OSBP: variants seen among roughly 807,000 people sequenced by gnomAD.
OSBP encodes oxysterol binding protein, also known as oxysterol-binding protein 1.
Under a neutral mutation model 96.6 loss-of-function variants are expected in OSBP, and 32 were observed. That is an observed-to-expected ratio of 0.33 (90% confidence interval 0.25 to 0.45). The LOEUF is 0.45. OSBP is among the 20% of genes least tolerant of loss of function. The probability of loss-of-function intolerance (pLI) is 1.00; values close to 1 mark genes in which losing one functional copy is unlikely to be tolerated. For missense variants in OSBP, 653 were observed against 1,029.7 expected, an observed-to-expected ratio of 0.63 and a Z score of 5.01; for synonymous variants, 369 against 389.6, an observed-to-expected ratio of 0.95 and a Z score of 0.62.
Position 59,577,007 on chromosome 11 carries a change from C to T in OSBP, c.2079G>A (p.Met693Ile). The stretch of plus-strand genomic sequence containing the variant: ...TCAGAGCAAGCTCTGAGAAGTAGTA[C>T]ATGTTTTCTGCATTCTTCCTAAAAG... The part of the protein sequence containing the change: ...RNPLPKNAEN[M>I]YYFSELALTL... The change falls in exon 13 of 14, where the codon ATG becomes ATA. Residue 693 changes from methionine (M) to isoleucine (I), a missense_variant. Met to Ile is a conservative substitution (Grantham distance 10). Around this residue, in one of 6 missense-constraint regions of OSBP, gnomAD observed 169 missense variants for 251.5 expected, o/e 0.67. Coordinates refer to ENST00000263847, the MANE Select transcript of OSBP (RefSeq NM_002556.3). 6.2e-7 allele frequency: 1 copy of T among 1,612,968 alleles called. No homozygotes were observed. Among genetic ancestry groups the T allele is most frequent in the Non-Finnish European group, 8.5e-7 (1 of 1,179,664 alleles).
chr11:59,592,420 T>C (rs895302054), intron 9 of OSBP, among the ~76,000 whole-genome samples: 24 of 152,228 alleles, frequency 1.6e-4, no homozygotes, highest in African/African-American at 5.8e-4. Context: ...GTGAATTCAT[T>C]AAAGAAGCAG....
chr11:59,607,326 C>T lies in OSBP; in HGVS notation c.822+1158G>A, dbSNP rs563670212. Among the ~76,000 whole-genome samples, 146 of 152,344 alleles carry T rather than the reference C, an allele frequency of 9.6e-4. 1 individual carries two copies. Among genetic ancestry groups the T allele is most frequent in the Non-Finnish European group, 1.7e-3 (118 of 68,032 alleles). On this transcript the variant is annotated intron_variant, in intron 3 of 13. Coordinates refer to ENST00000263847, the MANE Select transcript of OSBP (RefSeq NM_002556.3). ...GACATCAGAAACACAAGCACCCTGA[C>T]TGGCTGACTGGTCAGTCCTAGGAGA...
intron 9 of OSBP, among the ~76,000 whole-genome samples, chr11:59,582,745 C>T (rs1015463951): frequency 6.6e-6 from 1 of 152,058 alleles, no homozygotes; most frequent in East Asian, 1.9e-4. Flanking sequence ...AGGGAGTCTG[C>T]GGGAACTCTG....
chr11:59,603,671 G>C (rs538803781), intron 3 of OSBP, among the ~76,000 whole-genome samples: 250 of 151,852 alleles, frequency 1.6e-3, no homozygotes, highest in Admixed American at 5.0e-3. Context: ...CAAGTAGCTG[G>C]GACTACAGGC....
At chr11:59,578,061 A>T in intron 12 of OSBP, 88 bp downstream of exon 12, 1 of 1,212,770 alleles carries the variant, frequency 8.2e-7, no homozygotes, top group Non-Finnish European at 1.2e-6. Flanking sequence ...CCACATAATT[A>T]AGTGAGAGGG....
chr11:59,614,300 AG>A (rs1045316620), intron 1 of OSBP, among the ~76,000 whole-genome samples: 3 of 152,202 alleles, frequency 2.0e-5, no homozygotes, highest in Non-Finnish European at 2.9e-5. Flanking sequence ...CTCATCAGTA[AG>A]ATGGGAATAT....
chr11:59,578,075 G>T, intron 12 of OSBP, 74 bp downstream of exon 12: 3 of 1,382,514 alleles, frequency 2.2e-6, no homozygotes, highest in Non-Finnish European at 3.1e-6. Context: ...GAGAGGGCAG[G>T]CAGAAATGCC....
Position 59,576,913 on chromosome 11 carries a change from C to G in OSBP, c.2173G>C (p.Glu725Gln). The G allele has an allele frequency of 6.2e-7, 1 of 1,614,226 alleles. No homozygotes were observed. The highest frequency in any genetic ancestry group is 8.5e-7 in the Non-Finnish European group (1 of 1,180,050). Reference sequence around the variant, plus strand: ...TTTGCTTCATCCCAGCGTCCATTTTCCATCAGTCTCTGGTCAGGTCGTAAC... The same window carrying G: ...TTTGCTTCATCCCAGCGTCCATTTTGCATCAGTCTCTGGTCAGGTCGTAAC... ...SRLRPDQRLM[E>Q]NGRWDEANAE... Residue 725 changes from glutamate to glutamine, a missense_variant, in exon 13 of 14, where the codon GAA becomes CAA. By Grantham distance (29) the Glu-to-Gln change is conservative. Coordinates refer to ENST00000263847, the MANE Select transcript of OSBP (RefSeq NM_002556.3).
At chr11:59,598,266 C>T (rs1024117157) in intron 7 of OSBP, among the ~76,000 whole-genome samples, 1 of 152,226 alleles carries the variant, frequency 6.6e-6, no homozygotes, top group Non-Finnish European at 1.5e-5. Context: ...ACCATCAAGA[C>T]GTAGCCCCTG....
At chr11:59,595,270 G>A (rs1860634024) in intron 7 of OSBP, 1 of 152,406 alleles carries the variant, frequency 6.6e-6, no homozygotes, top group Admixed American at 6.6e-5. Flanking sequence ...CAATATAGAT[G>A]AACAAGTCTA....
intron 7 of OSBP, among the ~76,000 whole-genome samples, chr11:59,596,281 G>A (rs927408837): frequency 2.6e-5 from 4 of 152,114 alleles, no homozygotes; most frequent in Non-Finnish European, 5.9e-5. Flanking sequence ...AAATCTGTCC[G>A]TGGCAGAATT....
At chr11:59,577,139 C>A in intron 12 of OSBP, 114 bp from the exon 13 acceptor site, 1 of 825,542 alleles carries the variant, frequency 1.2e-6, no homozygotes, top group Non-Finnish European at 1.9e-6. Flanking sequence ...TCTACAAAAA[C>A]AGGATCTGTG....
intron 3 of OSBP, among the ~76,000 whole-genome samples, chr11:59,607,574 GA>G (rs982814035): frequency 1.5e-4 from 22 of 148,960 alleles, no homozygotes; most frequent in African/African-American, 4.2e-4. Context: ...ATTTAATTAG[GA>G]AAAAAAAAAT....
At chr11:59,583,938 G>GTGT (rs1565114685) in intron 9 of OSBP, among the ~76,000 whole-genome samples, 3 of 131,424 alleles carry the variant, frequency 2.3e-5, no homozygotes, top group African/African-American at 9.4e-5. Flanking sequence ...ACACCTGATG[G>GTGT]TGTTTTTTTT....
chr11:59,581,487 T>C lies in OSBP; in HGVS notation c.1746A>G (p.Val582=). 6.2e-7 allele frequency: 1 copy of C among 1,612,482 alleles called. No individual in the cohort carries two copies. Among genetic ancestry groups the C allele is most frequent in the Non-Finnish European group, 8.5e-7 (1 of 1,178,614 alleles). ...HYTWKKVTTT[V]HNIIVGKLWI... is the part of the protein sequence containing the mutation. ...ACAACTTGCCCACAATAATGTTGTGTACAGTTGTGGTAACTTTCTTCCAAG... is the reference window on the plus strand; with the variant it reads ...ACAACTTGCCCACAATAATGTTGTGCACAGTTGTGGTAACTTTCTTCCAAG... The change falls in exon 10 of 14, where the codon GTA becomes GTG. Residue 582 remains valine, a synonymous_variant. Coordinates refer to ENST00000263847, the MANE Select transcript of OSBP (RefSeq NM_002556.3).
chr11:59,578,908 T>C (rs1365471180), intron 11 of OSBP, among the ~76,000 whole-genome samples: 1 of 152,234 alleles, frequency 6.6e-6, no homozygotes, highest in Non-Finnish European at 1.5e-5. Context: ...AATTTGCATT[T>C]ATCCTTTGTG....
chr11:59,588,747 T>C (rs911016961), intron 9 of OSBP, among the ~76,000 whole-genome samples: 1 of 152,106 alleles, frequency 6.6e-6, no homozygotes, highest in African/African-American at 2.4e-5. Context: ...GGCTCATGCC[T>C]GTAATTCCAG....
chr11:59,580,738 C>CA (rs1488560054), intron 10 of OSBP, among the ~76,000 whole-genome samples: 2 of 151,966 alleles, frequency 1.3e-5, no homozygotes, highest in Non-Finnish European at 2.9e-5. Context: ...AGGCTAGTCT[C>CA]AAACTCCTGT....
In OSBP at chr11:59,594,111, T is replaced by C. The variant is rs1282477340; in HGVS notation, c.1456A>G (p.Thr486Ala). ...GGCTTACTGGTGCGGAAGACAGTAG[T>C]GGAGTAGGAGGACACGGTGAAAGCT... is the stretch of plus-strand genomic sequence containing the variant. Reference protein sequence around the residue: ...VAAFTVSSYSTTVFRTSKPFN... With the variant: ...VAAFTVSSYSATVFRTSKPFN... Residue 486 changes from threonine (T) to alanine (A), a missense_variant, in exon 8 of 14, where the codon ACT (threonine) becomes GCT (alanine). Transcript: ENST00000263847. The C allele has an allele frequency of 6.2e-7, 1 of 1,614,036 alleles. No individual in the cohort carries two copies. Among genetic ancestry groups the C allele is most frequent in the Non-Finnish European group, 8.5e-7 (1 of 1,179,998 alleles).
Sources: allele counts gnomAD v4.1 joint callset (sites outside exome capture counted in the v4.1 genomes callset), GRCh38; gene constraint gnomAD v4.1.1; regional missense constraint gnomAD v4.1.1; transcripts MANE v1.5; gene names NCBI Gene and HGNC (gene_info 2026-07-23, HGNC 2026-07-21).